GPR158: variants seen among roughly 807,000 people sequenced by gnomAD.
The protein encoded by GPR158 is G protein-coupled receptor 158.
In GPR158, 30 loss-of-function variants were observed where a neutral mutation model predicts 78.2. The ratio of observed to expected loss-of-function variants is 0.38; its 90% CI spans 0.29 to 0.52. The LOEUF (loss-of-function observed/expected upper bound fraction) is 0.52, where lower values mean the gene tolerates loss of function less well. GPR158 is among the 20% of genes least tolerant of loss of function. The probability of loss-of-function intolerance (pLI) is 0.83; values close to 1 mark genes in which losing one functional copy is unlikely to be tolerated. For synonymous variants in GPR158, 581 were observed against 591.1 expected, an observed-to-expected ratio of 0.98 and a Z score of 0.25; for missense variants, 1,463 against 1,523.5, an observed-to-expected ratio of 0.96 and a Z score of 0.66.
At chr10:25,187,142 T>C (rs1382012463) in intron 1 of GPR158, among the ~76,000 whole-genome samples, 2 of 151,942 alleles carry the variant, frequency 1.3e-5, no homozygotes, top group Non-Finnish European at 2.9e-5. Context: ...TTTTTTTGTA[T>C]TTTTAATAGA....
At chr10:25,471,765 G>C (rs1219887617) in intron 5 of GPR158, among the ~76,000 whole-genome samples, 3 of 152,146 alleles carry the variant, frequency 2.0e-5, no homozygotes, top group Admixed American at 6.5e-5. Flanking sequence ...ATCTTCTTTT[G>C]AGAAGTGTCT....
At chr10:25,377,270 C>T (rs1375019672) in intron 2 of GPR158, among the ~76,000 whole-genome samples, 1 of 151,726 alleles carries the variant, frequency 6.6e-6, no homozygotes, top group Non-Finnish European at 1.5e-5. Context: ...AATGTAATAA[C>T]TCTGTTACCT....
At chr10:25,272,650 A>G (rs182626635) in intron 2 of GPR158, among the ~76,000 whole-genome samples, 18 of 152,326 alleles carry the variant, frequency 1.2e-4, no homozygotes, top group African/African-American at 4.1e-4. Context: ...TTCATTCATC[A>G]AGACAGAAGT....
At chr10:25,509,601 G>A (rs1387754971) in intron 5 of GPR158, among the ~76,000 whole-genome samples, 1 of 152,200 alleles carries the variant, frequency 6.6e-6, no homozygotes. Flanking sequence ...ATACACCTAT[G>A]TGTATTTTCT....
chr10:25,578,093 T>C (rs551313801), intron 7 of GPR158, among the ~76,000 whole-genome samples: 1 of 152,324 alleles, frequency 6.6e-6, no homozygotes, highest in South Asian at 2.1e-4. Context: ...ACATCTATAA[T>C]AACAATACAT....
chr10:25,183,327 A>G (rs879351350), intron 1 of GPR158, among the ~76,000 whole-genome samples: 1 of 152,164 alleles, frequency 6.6e-6, no homozygotes, highest in Non-Finnish European at 1.5e-5. Context: ...CAAATCTAGT[A>G]TAGAAACCAT....
rs2807253 is a variant in GPR158 at position 25,293,708 on chromosome 10, T to A, written c.1008+72551T>A. ...ATGGATCATCTTGTCTCCTTGATTCTGGTTTGGGTATTTTAATAAAGTTCT... is the reference window on the plus strand; with the variant it reads ...ATGGATCATCTTGTCTCCTTGATTCAGGTTTGGGTATTTTAATAAAGTTCT... On this transcript the variant is annotated intron_variant, in intron 2 of 10. Transcript: ENST00000376351. Among the ~76,000 whole-genome samples, 14 of 151,508 alleles carry A rather than the reference T, an allele frequency of 9.2e-5. No individual in the cohort carries two copies. In the South Asian group the frequency reaches 2.3e-3, roughly 25 times the overall value.
At chr10:25,304,235 A>G (rs994629529) in intron 2 of GPR158, among the ~76,000 whole-genome samples, 2 of 152,048 alleles carry the variant, frequency 1.3e-5, no homozygotes, top group African/African-American at 2.4e-5. Flanking sequence ...ACAGTTTGCT[A>G]AAGTTATATC....
At chr10:25,328,918 ACTTCATCAC>A in intron 2 of GPR158, among the ~76,000 whole-genome samples, 1 of 86,768 alleles carries the variant, frequency 1.2e-5, no homozygotes. Flanking sequence ...CAAGAGCGAA[ACTTCATCAC>A]AAAAAAAAAA....
intron 2 of GPR158, among the ~76,000 whole-genome samples, chr10:25,366,033 C>A (rs1337673251): frequency 6.6e-6 from 1 of 151,554 alleles, no homozygotes; most frequent in Non-Finnish European, 1.5e-5. Context: ...AAGATACATC[C>A]ATCTTGTATA....
At chr10:25,466,530 AATTT>A (rs1277748489) in intron 4 of GPR158, 117 bp from the exon 5 acceptor site, 9 of 579,878 alleles carry the variant, frequency 1.6e-5, no homozygotes, top group Non-Finnish European at 1.5e-5. Flanking sequence ...AATTTTCATT[AATTT>A]ATTTAATTTC....
chr10:25,426,861 C>G (rs1356683178), intron 4 of GPR158, among the ~76,000 whole-genome samples: 1 of 152,048 alleles, frequency 6.6e-6, no homozygotes, highest in Non-Finnish European at 1.5e-5. Flanking sequence ...ATAAACAATG[C>G]AGTATCTGTG....
At chr10:25,521,574 G>T (rs146426479) in intron 5 of GPR158, among the ~76,000 whole-genome samples, 1 of 152,188 alleles carries the variant, frequency 6.6e-6, no homozygotes, top group African/African-American at 2.4e-5. Flanking sequence ...TGGTGAGCCA[G>T]TGTGATCTTT....
chr10:25,528,653 AAC>A (rs1377919469), intron 5 of GPR158, among the ~76,000 whole-genome samples: 1 of 152,196 alleles, frequency 6.6e-6, no homozygotes, highest in East Asian at 1.9e-4. Flanking sequence ...TAAATAGAGA[AAC>A]ACATGATGTT....
At chr10:25,581,126 CA>C (rs1195493286) in intron 7 of GPR158, among the ~76,000 whole-genome samples, 6 of 151,440 alleles carry the variant, frequency 4.0e-5, no homozygotes, top group African/African-American at 1.5e-4. Context: ...GACGGGGTTT[CA>C]CCTTGTTAGC....
At chr10:25,539,908 G>A (rs937469864) in intron 5 of GPR158, among the ~76,000 whole-genome samples, 29 of 152,028 alleles carry the variant, frequency 1.9e-4, no homozygotes, top group Non-Finnish European at 3.1e-4. Context: ...TAAGTCCCAC[G>A]TATGGAAGCA....
At chr10:25,520,513 T>C (rs1235388144) in intron 5 of GPR158, among the ~76,000 whole-genome samples, 1 of 150,068 alleles carries the variant, frequency 6.7e-6, no homozygotes, top group Non-Finnish European at 1.5e-5. Flanking sequence ...TTTTATCTAC[T>C]TTTGGTCTTT....
At chr10:25,480,508 C>T (rs115761357) in intron 5 of GPR158, among the ~76,000 whole-genome samples, 1,954 of 151,922 alleles carry the variant, frequency 0.013, 49 homozygotes, top group African/African-American at 0.044. Flanking sequence ...CCTCTTCCCC[C>T]AGCCTTTGAA....
rs1837508440 is a variant in GPR158 at position 25,602,086 on chromosome 10, C to G, written c.*2812C>G. Reference sequence around the variant, plus strand: ...GTAGAGTCAATAAAGCTGTAAGTGTCTTCACTTAATCTGTGGTTCTCCTAA... The same window carrying G: ...GTAGAGTCAATAAAGCTGTAAGTGTGTTCACTTAATCTGTGGTTCTCCTAA... On this transcript the variant is annotated 3_prime_UTR_variant, in exon 11 of 11. Coordinates refer to ENST00000376351, the MANE Select transcript of GPR158 (RefSeq NM_020752.3). The G allele has an allele frequency of 6.6e-6, 1 of 152,614 alleles. No homozygotes were observed. Among genetic ancestry groups the G allele is most frequent in the African/African-American group, 2.4e-5 (1 of 41,450 alleles). The allele number at this position is 152,614 out of a possible 1,614,324, so 9.5% of individuals were successfully genotyped here. A position where few individuals can be genotyped will look rare whatever the true frequency, so the allele number is the denominator to read the frequency against.
Sources: gnomAD v4.1 joint callset for allele counts (sites outside exome capture counted in the v4.1 genomes callset) on GRCh38, gnomAD v4.1.1 for gene constraint, MANE v1.5 for transcripts, NCBI Gene and HGNC (gene_info 2026-07-23, HGNC 2026-07-21) for gene names.